The following PPIL6 variants were observed in gnomAD, a reference collection of about 807,000 sequenced individuals.
PPIL6 encodes peptidylprolyl isomerase like 6.
In PPIL6, 39 loss-of-function variants were observed where a neutral mutation model predicts 36.8. The ratio of observed to expected loss-of-function variants is 1.06; its 90% CI spans 0.82 to 1.38. The LOEUF (loss-of-function observed/expected upper bound fraction) is 1.38, where lower values mean the gene tolerates loss of function less well. Among genes scored for constraint, PPIL6 ranks in the 40% most tolerant of loss-of-function variants. The pLI is 0.00. For missense variants in PPIL6, 368 were observed against 379.1 expected, an observed-to-expected ratio of 0.97 and a Z score of 0.24; for synonymous variants, 123 against 134.1, an observed-to-expected ratio of 0.92 and a Z score of 0.57.
chr6:109,440,363 C>T (rs1774763966), intron 1 of PPIL6, 93 bp downstream of exon 1: 2 of 1,444,400 alleles, frequency 1.4e-6, no homozygotes, highest in Admixed American at 2.1e-5. Flanking sequence ...CCTCGACCCC[C>T]GCCGCCTCGA....
At chr6:109,408,514 G>C (rs569415684) in intron 6 of PPIL6, among the ~76,000 whole-genome samples, 1 of 152,036 alleles carries the variant, frequency 6.6e-6, no homozygotes, top group Non-Finnish European at 1.5e-5. Flanking sequence ...ACATATGCTT[G>C]AGGTATACAC....
intron 3 of PPIL6, 78 bp from the exon 4 acceptor site, chr6:109,427,234 C>T: frequency 1.1e-6 from 1 of 880,606 alleles, no homozygotes; most frequent in South Asian, 1.6e-5. Context: ...AAAAATACAG[C>T]AGATACAATA....
At position 109,416,195 on chromosome 6, in the gene PPIL6, T is replaced by C. The variant is rs541257374; in HGVS notation, c.688+2992A>G. ...GCTTCTCTTACTAATAAATGTCTTT[T>C]GTGGCTTTTTTTTTTTTTTTTTTTG... On this transcript the variant is annotated intron_variant, in intron 6 of 7. Coordinates refer to ENST00000521072, the MANE Select transcript of PPIL6 (RefSeq NM_173672.5). Among the ~76,000 whole-genome samples the C allele has an allele frequency of 2.8e-5, 4 of 143,860 alleles. No individual in the cohort carries two copies. The East Asian group carries it at 8.8e-4, about 31-fold the overall frequency. The allele number at this position is 143,860 out of a possible 152,430, so 94.4% of individuals were successfully genotyped here.
At chr6:109,417,868 T>G (rs1164957211) in intron 6 of PPIL6, among the ~76,000 whole-genome samples, 1 of 152,192 alleles carries the variant, frequency 6.6e-6, no homozygotes, top group Admixed American at 6.5e-5. Context: ...TACGTAATCT[T>G]CCCCAATTTT....
intron 1 of PPIL6, among the ~76,000 whole-genome samples, chr6:109,439,922 C>G (rs1317222150): frequency 6.6e-6 from 1 of 152,064 alleles, no homozygotes; most frequent in Non-Finnish European, 1.5e-5. Flanking sequence ...TGAGTGTTTA[C>G]AAAGAAATGA....
intron 6 of PPIL6, among the ~76,000 whole-genome samples, chr6:109,407,521 C>T (rs1562259635): frequency 6.6e-6 from 1 of 151,954 alleles, no homozygotes; most frequent in Non-Finnish European, 1.5e-5. Flanking sequence ...TTATAGGCAC[C>T]GCGCCCGGCC....
At chr6:109,436,080 C>A in intron 2 of PPIL6, 24 bp downstream of exon 2, 5 of 1,272,450 alleles carry the variant, frequency 3.9e-6, no homozygotes, top group Non-Finnish European at 5.7e-6. Flanking sequence ...TGTCTATATC[C>A]CCCACACCCC....
chr6:109,401,968 C>A (rs530584842), intron 6 of PPIL6, among the ~76,000 whole-genome samples: 1 of 152,056 alleles, frequency 6.6e-6, no homozygotes, highest in East Asian at 1.9e-4. Context: ...CGTGATCTAC[C>A]CGCCTCGGCC....
intron 7 of PPIL6, 127 bp from the exon 8 acceptor site, chr6:109,393,064 TCTA>T (rs1237898805): frequency 1.6e-6 from 1 of 619,872 alleles, no homozygotes; most frequent in Non-Finnish European, 2.8e-6. Context: ...GAACATCAGC[TCTA>T]AGTATCCTAA....
rs886626599 is a variant in PPIL6, at chr6:109,405,011, G to A, written c.689-4841C>T. 2.2e-5 allele frequency: 8 copies of A among 358,024 alleles called. No homozygotes were observed. The East Asian group carries it at 4.5e-4, about 20-fold the overall frequency. The allele number at this position is 358,024 out of a possible 1,614,324, so 22.2% of individuals were successfully genotyped here. A position where few individuals can be genotyped will look rare whatever the true frequency, so the allele number is the denominator to read the frequency against. On this transcript the variant is annotated intron_variant, in intron 6 of 7. Coordinates refer to ENST00000521072, the MANE Select transcript of PPIL6 (RefSeq NM_173672.5). ...GGAGGTTGCAGTGAGCCGAGATCACGCCATTGCACTCCAGCATGGGTGACA... is the reference window on the plus strand; with the variant it reads ...GGAGGTTGCAGTGAGCCGAGATCACACCATTGCACTCCAGCATGGGTGACA...
At chr6:109,423,704 A>G (rs1344073923) in intron 5 of PPIL6, among the ~76,000 whole-genome samples, 2 of 151,924 alleles carry the variant, frequency 1.3e-5, no homozygotes, top group African/African-American at 4.8e-5. Flanking sequence ...ATTTTCTTTG[A>G]TTAACAAAGT....
At chr6:109,411,192 A>G (rs1278780100) in intron 6 of PPIL6, among the ~76,000 whole-genome samples, 1 of 152,192 alleles carries the variant, frequency 6.6e-6, no homozygotes, top group Non-Finnish European at 1.5e-5. Context: ...TACCAGAAGT[A>G]AGTGAGTAAT....
chr6:109,434,163 T>C (rs1221301382), intron 2 of PPIL6, among the ~76,000 whole-genome samples: 1 of 152,214 alleles, frequency 6.6e-6, no homozygotes, highest in Admixed American at 6.5e-5. Flanking sequence ...TGCCTAGGAC[T>C]ATCCTACTTT....
intron 3 of PPIL6, 110 bp downstream of exon 3, chr6:109,431,047 G>T: frequency 2.5e-6 from 2 of 784,494 alleles, no homozygotes; most frequent in Non-Finnish European, 4.0e-6. Flanking sequence ...TTTAAACTTA[G>T]TCTCCTACTT....
At chr6:109,412,083 T>C (rs1235022890) in intron 6 of PPIL6, among the ~76,000 whole-genome samples, 2 of 152,240 alleles carry the variant, frequency 1.3e-5, no homozygotes, top group Non-Finnish European at 2.9e-5. Flanking sequence ...CAATGTGCCA[T>C]GTCAATCTAC....
At chr6:109,434,366 GC>G (rs1463066959) in intron 2 of PPIL6, among the ~76,000 whole-genome samples, 1 of 152,118 alleles carries the variant, frequency 6.6e-6, no homozygotes, top group East Asian at 1.9e-4. Context: ...GACCAGCTTG[GC>G]CAAAATAGCG....
intron 2 of PPIL6, among the ~76,000 whole-genome samples, chr6:109,433,321 T>C (rs1458515730): frequency 6.6e-6 from 1 of 152,118 alleles, no homozygotes; most frequent in African/African-American, 2.4e-5. Context: ...CCTCCCAAAG[T>C]GTTGGGATTA....
intron 3 of PPIL6, among the ~76,000 whole-genome samples, chr6:109,430,898 T>C (rs1774104508): frequency 6.6e-6 from 1 of 152,182 alleles, no homozygotes. Context: ...AAATAGGTAA[T>C]TCATGCATAT....
At chr6:109,441,084 G>A (rs1374864050), upstream of PPIL6, 9 of 1,612,254 alleles carry the variant, frequency 5.6e-6, no homozygotes, top group African/African-American at 1.2e-4. Context: ...CGTCGCTGGA[G>A]AGTTCGAGCC....
Sources: allele counts gnomAD v4.1 joint callset (sites outside exome capture counted in the v4.1 genomes callset), GRCh38; gene constraint gnomAD v4.1.1; transcripts MANE v1.5; gene names NCBI Gene and HGNC (gene_info 2026-07-23, HGNC 2026-07-21).